EFR3A: variants seen among roughly 807,000 people sequenced by gnomAD.
EFR3A encodes EFR3 homolog A, also known as protein EFR3 homolog A.
A neutral mutation model predicts 104.4 loss-of-function variants in EFR3A; 76 were observed. The ratio of observed to expected loss-of-function variants is 0.73; its 90% CI spans 0.60 to 0.88. The LOEUF is 0.88. Among genes scored for constraint, EFR3A ranks in the 40% least tolerant of loss-of-function variants. The pLI, the probability that EFR3A is intolerant of heterozygous loss-of-function variation, is 0.00. For synonymous variants in EFR3A, 330 were observed against 330.0 expected, an observed-to-expected ratio of 1.00 and a Z score of 0.00; for missense variants, 985 against 1,012.5, an observed-to-expected ratio of 0.97 and a Z score of 0.37.
At chr8:131,950,762 A>G (rs1164568517) in intron 5 of EFR3A, among the ~76,000 whole-genome samples, 3 of 152,154 alleles carry the variant, frequency 2.0e-5, no homozygotes, top group Non-Finnish European at 4.4e-5. Flanking sequence ...AGATAAATTG[A>G]ATGAATGTAT....
At chr8:131,933,296 G>A (rs1317631449) in intron 1 of EFR3A, among the ~76,000 whole-genome samples, 3 of 152,114 alleles carry the variant, frequency 2.0e-5, no homozygotes, top group Non-Finnish European at 4.4e-5. Flanking sequence ...GTGACATGTA[G>A]GGTCCAGGGA....
chr8:131,974,522 A>G (rs1820225793), intron 10 of EFR3A, among the ~76,000 whole-genome samples: 1 of 152,172 alleles, frequency 6.6e-6, no homozygotes, highest in Non-Finnish European at 1.5e-5. Context: ...AAGCTTTGGA[A>G]ATAAATAACC....
chr8:131,909,475 G>A (rs947240426), intron 1 of EFR3A, among the ~76,000 whole-genome samples: 4 of 152,164 alleles, frequency 2.6e-5, no homozygotes, highest in African/African-American at 9.7e-5. Context: ...GAGCCCAGGA[G>A]GCTGAGGCTG....
At chr8:131,909,420 G>A (rs983177344) in intron 1 of EFR3A, among the ~76,000 whole-genome samples, 1 of 152,110 alleles carries the variant, frequency 6.6e-6, no homozygotes, top group Admixed American at 6.5e-5. Flanking sequence ...GTTGGTACAT[G>A]CCTATAGTCC....
chr8:131,932,684 T>C (rs975648742), intron 1 of EFR3A, among the ~76,000 whole-genome samples: 3 of 152,138 alleles, frequency 2.0e-5, no homozygotes, highest in East Asian at 3.9e-4. Context: ...TATTGATTGA[T>C]TGGTTGAAAT....
intron 1 of EFR3A, among the ~76,000 whole-genome samples, chr8:131,919,352 C>T (rs1251866772): frequency 6.6e-6 from 1 of 152,062 alleles, no homozygotes; most frequent in East Asian, 1.9e-4. Context: ...AATCCCAGCA[C>T]TTTGGGCGGT....
chr8:131,964,418 T>C (rs2130671048), intron 8 of EFR3A, among the ~76,000 whole-genome samples: 1 of 151,984 alleles, frequency 6.6e-6, no homozygotes, highest in Non-Finnish European at 1.5e-5. Context: ...AGCATTCTTA[T>C]ACACCAATAA....
chr8:131,954,425 G>C (rs1384171198), intron 6 of EFR3A, among the ~76,000 whole-genome samples: 1 of 151,798 alleles, frequency 6.6e-6, no homozygotes, highest in Non-Finnish European at 1.5e-5. Context: ...CAAATGGTTA[G>C]ATACTGTTCA....
intron 8 of EFR3A, among the ~76,000 whole-genome samples, chr8:131,961,968 A>T (rs1215737581): frequency 1.3e-5 from 2 of 152,194 alleles, no homozygotes; most frequent in Admixed American, 6.5e-5. Flanking sequence ...TAAGCTTCAT[A>T]AGTGAAGGAG....
chr8:131,950,163 T>C, intron 5 of EFR3A, 73 bp downstream of exon 5: 1 of 1,421,488 alleles, frequency 7.0e-7, no homozygotes, highest in Non-Finnish European at 9.5e-7. Context: ...TGTTACATAA[T>C]GATTACCAGA....
intron 1 of EFR3A, among the ~76,000 whole-genome samples, chr8:131,927,074 C>T (rs1340909464): frequency 6.6e-6 from 1 of 151,996 alleles, no homozygotes; most frequent in Non-Finnish European, 1.5e-5. Flanking sequence ...ATGAATAAAC[C>T]ACAGCTCTGC....
At position 131,976,142 on chromosome 8, in the gene EFR3A, G is replaced by C; in HGVS notation, c.1274+1G>C. The C allele has an allele frequency of 6.5e-7, 1 of 1,532,520 alleles. No homozygotes were observed. The highest frequency in any genetic ancestry group is 2.3e-5 in the East Asian group (1 of 44,062). 94.9% of individuals were successfully genotyped at this position (1,532,520 alleles called of 1,614,324 possible). Reference sequence around the variant, plus strand: ...ATACTTTGGATATCAGTCAACTAGGGTATGTTCTCAGACTGTAAATTTGAA... The same window carrying C: ...ATACTTTGGATATCAGTCAACTAGGCTATGTTCTCAGACTGTAAATTTGAA... On this transcript the variant is annotated splice_donor_variant, in intron 11 of 22. Coordinates refer to ENST00000254624, the MANE Select transcript of EFR3A (RefSeq NM_015137.6). LOFTEE classifies it high-confidence loss of function.
At chr8:131,929,545 T>G (rs1258326137) in intron 1 of EFR3A, among the ~76,000 whole-genome samples, 1 of 152,140 alleles carries the variant, frequency 6.6e-6, no homozygotes, top group Non-Finnish European at 1.5e-5. Context: ...CTGTGATAGT[T>G]GTTATCACAG....
rs142317726 is a variant in EFR3A at position 131,955,268 on chromosome 8, G to A, written c.639-500G>A. ...AGAATTATTATTCATAAATTCATTA[G>A]CCTAAAATAATGTTTCAGGATATGA... On this transcript the variant is annotated intron_variant, in intron 6 of 22. Coordinates refer to ENST00000254624, the MANE Select transcript of EFR3A (RefSeq NM_015137.6). Among the ~76,000 whole-genome samples the A allele has an allele frequency of 5.1e-3, 776 of 152,170 alleles. 4 individuals carry two copies. Among genetic ancestry groups the A allele is most frequent in the African/African-American group, 0.018 (729 of 41,542 alleles).
At position 131,970,448 on chromosome 8, in the gene EFR3A, A is replaced by G. The variant is rs190158824; in HGVS notation, c.992-28A>G. 934 of 1,603,258 alleles carry G rather than the reference A, an allele frequency of 5.8e-4. 2 individuals carry two copies. In the African/African-American group the frequency reaches 0.011, roughly 19 times the overall value. The stretch of plus-strand genomic sequence containing the variant: ...CAAATATGCAATACTAGAAACATGT[A>G]TCTTCTCACATAAGTGATCCTTTAT... On this transcript the variant is annotated intron_variant, in intron 9 of 22. Transcript: ENST00000254624.
At chr8:131,968,843 A>C (rs1819901688) in intron 9 of EFR3A, among the ~76,000 whole-genome samples, 1 of 152,148 alleles carries the variant, frequency 6.6e-6, no homozygotes, top group Non-Finnish European at 1.5e-5. Context: ...GCACAAGCAA[A>C]ATTTTATGTG....
intron 19 of EFR3A, among the ~76,000 whole-genome samples, chr8:131,998,383 C>G (rs1821604303): frequency 6.6e-6 from 1 of 151,496 alleles, no homozygotes; most frequent in African/African-American, 2.4e-5. Context: ...ATGTATAATC[C>G]TAGTTTATCC....
In EFR3A at chr8:131,933,640, A is replaced by G. The variant is rs369501286; in HGVS notation, c.11-6859A>G. ...AATATTTAATTTTTTTCCAATAAAT[A>G]TGATAATATACAGTAAAGTTAAATT... On this transcript the variant is annotated intron_variant, in intron 1 of 22. Coordinates refer to ENST00000254624, the MANE Select transcript of EFR3A (RefSeq NM_015137.6). Among the ~76,000 whole-genome samples the G allele has an allele frequency of 8.5e-5, 13 of 152,224 alleles. No individual in the cohort carries two copies. The East Asian group carries it at 1.9e-3, about 23-fold the overall frequency.
At chr8:132,010,415 T>G (rs1013547373) in intron 22 of EFR3A, among the ~76,000 whole-genome samples, 20 of 54,494 alleles carry the variant, frequency 3.7e-4, no homozygotes, top group African/African-American at 9.2e-4. Flanking sequence ...GAGATATATA[T>G]ATATATATAT....
Sources: gnomAD v4.1 joint callset for allele counts (sites outside exome capture counted in the v4.1 genomes callset) on GRCh38, gnomAD v4.1.1 for gene constraint, MANE v1.5 for transcripts, NCBI Gene and HGNC (gene_info 2026-07-23, HGNC 2026-07-21) for gene names.